DCDC2: variants seen among roughly 807,000 people sequenced by gnomAD.
DCDC2 encodes doublecortin domain-containing protein 2.
In DCDC2, 40 loss-of-function variants were observed where a neutral mutation model predicts 50.2. The ratio of observed to expected loss-of-function variants is 0.80; its 90% confidence interval spans 0.62 to 1.04. DCDC2 has a LOEUF of 1.04. DCDC2 is among the 50% of genes least tolerant of loss of function. DCDC2 has a pLI of 0.00. For synonymous variants in DCDC2, 234 were observed against 210.6 expected, an observed-to-expected ratio of 1.11 and a Z score of -0.96; for missense variants, 570 against 581.9, an observed-to-expected ratio of 0.98 and a Z score of 0.21.
At chr6:24,228,496 C>A (rs1323450385) in intron 7 of DCDC2, among the ~76,000 whole-genome samples, 7 of 152,060 alleles carry the variant, frequency 4.6e-5, no homozygotes, top group Admixed American at 2.6e-4. Context: ...CCTTCTTTTG[C>A]CATGTAAATG....
intron 6 of DCDC2, among the ~76,000 whole-genome samples, chr6:24,279,882 A>T (rs1384242416): frequency 6.6e-6 from 1 of 152,212 alleles, no homozygotes; most frequent in African/African-American, 2.4e-5. Flanking sequence ...AGGCTTATGG[A>T]GTGACTAGTA....
chr6:24,377,036 T>C, the DCDC2 span, among the ~76,000 whole-genome samples: 1 of 152,294 alleles, frequency 6.6e-6, no homozygotes, highest in South Asian at 2.1e-4. Context: ...TGGAGGCATT[T>C]AACTAGCCAT....
At chr6:24,276,026 T>C (rs1265271767) in intron 7 of DCDC2, among the ~76,000 whole-genome samples, 2 of 151,974 alleles carry the variant, frequency 1.3e-5, no homozygotes, top group Non-Finnish European at 2.9e-5. Context: ...CATGCCACTG[T>C]GCCCCACTAA....
intron 7 of DCDC2, among the ~76,000 whole-genome samples, chr6:24,232,444 C>T (rs1454949292): frequency 1.3e-5 from 2 of 152,316 alleles, no homozygotes; most frequent in East Asian, 3.9e-4. Context: ...AGGCACTAAA[C>T]AAACTCACCA....
At chr6:24,281,645 ATAGT>A (rs1033548687) in intron 6 of DCDC2, among the ~76,000 whole-genome samples, 2 of 152,114 alleles carry the variant, frequency 1.3e-5, no homozygotes, top group Non-Finnish European at 1.5e-5. Flanking sequence ...TAAATTATAC[ATAGT>A]TAGAGAGGGG....
intron 2 of DCDC2, among the ~76,000 whole-genome samples, chr6:24,349,291 C>T (rs979720199): frequency 6.6e-6 from 1 of 152,218 alleles, no homozygotes; most frequent in Non-Finnish European, 1.5e-5. Flanking sequence ...AGATGCTCAT[C>T]TGTCTTTTCA....
chr6:24,351,562 C>A (rs907173146), intron 2 of DCDC2, among the ~76,000 whole-genome samples: 3 of 152,114 alleles, frequency 2.0e-5, no homozygotes, highest in African/African-American at 7.2e-5. Context: ...CACAGCAGGG[C>A]AGCAAGAGGA....
the DCDC2 span, among the ~76,000 whole-genome samples, chr6:24,380,920 C>A: frequency 6.6e-6 from 1 of 151,940 alleles, no homozygotes; most frequent in Admixed American, 6.6e-5. Context: ...CCCATCTCTA[C>A]AAAAATTAAA....
At chr6:24,188,979 CAG>C (rs1291623736) in intron 8 of DCDC2, among the ~76,000 whole-genome samples, 2 of 151,922 alleles carry the variant, frequency 1.3e-5, no homozygotes, top group South Asian at 2.1e-4. Flanking sequence ...TACCCTTAAA[CAG>C]AGAGGTTTTT....
intron 7 of DCDC2, among the ~76,000 whole-genome samples, chr6:24,269,315 G>T (rs1334538986): frequency 6.6e-6 from 1 of 152,154 alleles, no homozygotes; most frequent in African/African-American, 2.4e-5. Flanking sequence ...TAATACAGAG[G>T]TCTAAGAAAT....
At chr6:24,319,270 A>G (rs1287026744) in intron 2 of DCDC2, among the ~76,000 whole-genome samples, 2 of 137,772 alleles carry the variant, frequency 1.5e-5, no homozygotes, top group East Asian at 2.2e-4. Flanking sequence ...CCACTTTTTA[A>G]TGAAATTATT....
chr6:24,324,761 T>C (rs947981074), intron 2 of DCDC2, among the ~76,000 whole-genome samples: 1 of 152,054 alleles, frequency 6.6e-6, no homozygotes, highest in Non-Finnish European at 1.5e-5. Context: ...CTCATGCCTA[T>C]AGTTCCAGCT....
chr6:24,359,357 GTATATTATATATTATATATATTTTA>G (rs1234245921), upstream of DCDC2, among the ~76,000 whole-genome samples: 1 of 25,398 alleles, frequency 3.9e-5, no homozygotes, highest in Non-Finnish European at 6.9e-5. Flanking sequence ...TATATTTTAT[GTATATTATATATTATATATATTTTA>G]TATATTATAT....
chr6:24,314,227 C>T (rs572752092), intron 2 of DCDC2, among the ~76,000 whole-genome samples: 12 of 152,266 alleles, frequency 7.9e-5, no homozygotes, highest in African/African-American at 1.2e-4. Flanking sequence ...AATCCCAGCA[C>T]CTTGGGAGGC....
intron 7 of DCDC2, among the ~76,000 whole-genome samples, chr6:24,232,133 T>C (rs1183579704): frequency 2.0e-5 from 3 of 152,176 alleles, no homozygotes; most frequent in African/African-American, 7.2e-5. Flanking sequence ...AAAAGATATA[T>C]GGTTATGCCA....
chr6:24,250,237 T>C (rs1762770077), intron 7 of DCDC2, among the ~76,000 whole-genome samples: 1 of 152,110 alleles, frequency 6.6e-6, no homozygotes, highest in South Asian at 2.1e-4. Flanking sequence ...TGAGTACAAA[T>C]CGGTAACCTA....
chr6:24,251,638 C>A (rs920133059), intron 7 of DCDC2, among the ~76,000 whole-genome samples: 1 of 152,172 alleles, frequency 6.6e-6, no homozygotes, highest in South Asian at 2.1e-4. Flanking sequence ...ATTCTGACAC[C>A]TGTGTCTGAA....
At chr6:24,312,335 G>T (rs1255183580) in intron 2 of DCDC2, among the ~76,000 whole-genome samples, 1 of 152,156 alleles carries the variant, frequency 6.6e-6, no homozygotes, top group African/African-American at 2.4e-5. Flanking sequence ...TCAGTGGAAT[G>T]AAAATTAAAA....
In DCDC2 at chr6:24,173,017, A is replaced by AATAATAATAATAATAATC. The variant is rs1412713063; in HGVS notation, c.*1712_*1713insGATTATTATTATTATTAT. The AATAATAATAATAATAATC allele has an allele frequency of 9.0e-5, 13 of 144,758 alleles. No individual in the cohort carries two copies. The highest frequency in any genetic ancestry group is 1.6e-4 in the Non-Finnish European group (11 of 67,336). 9.0% of individuals were successfully genotyped at this position (144,758 alleles called of 1,614,324 possible). A position where few individuals can be genotyped will look rare whatever the true frequency, so the allele number is the denominator to read the frequency against. On this transcript the variant is annotated 3_prime_UTR_variant, in exon 10 of 10. Transcript: ENST00000378454. ...TAATAATAATAATAATAATAATAAT[A>AATAATAATAATAATAATC]ATAAAGATCAATTGGTCTATTTGCC...
Sources: allele counts gnomAD v4.1 joint callset (sites outside exome capture counted in the v4.1 genomes callset), GRCh38; gene constraint gnomAD v4.1.1; transcripts MANE v1.5; gene names NCBI Gene and HGNC (gene_info 2026-07-23, HGNC 2026-07-21).